The following TMTC1 variants were observed in gnomAD, a reference collection of about 807,000 sequenced individuals.
The protein encoded by TMTC1 is transmembrane O-mannosyltransferase targeting cadherins 1, also known as protein O-mannosyl-transferase TMTC1.
Under a neutral mutation model 104.8 loss-of-function variants are expected in TMTC1, and 73 were observed. The observed-to-expected ratio is 0.70, with a 90% confidence interval of 0.58 to 0.85. The LOEUF is 0.85. Ranked by LOEUF, TMTC1 falls within the 40% of genes least tolerant of loss-of-function variation. TMTC1 has a pLI of 0.00. For synonymous variants in TMTC1, 434 were observed against 428.7 expected (o/e 1.01, Z -0.15); for missense variants, 1,035 against 1,096.1 (o/e 0.94, Z 0.79).
intron 5 of TMTC1, among the ~76,000 whole-genome samples, chr12:29,674,635 G>A (rs571637754): frequency 6.6e-6 from 1 of 152,286 alleles, no homozygotes; most frequent in African/African-American, 2.4e-5. Context: ...CATGCACAAG[G>A]CAGCCAGCTC....
chr12:29,666,711 A>G (rs941425566), intron 5 of TMTC1, among the ~76,000 whole-genome samples: 2 of 152,174 alleles, frequency 1.3e-5, no homozygotes, highest in Non-Finnish European at 2.9e-5. Context: ...TGAAGATATG[A>G]AATTAGTCTT....
chr12:29,547,920 G>C (rs567121914), intron 10 of TMTC1, among the ~76,000 whole-genome samples: 2 of 152,170 alleles, frequency 1.3e-5, no homozygotes, highest in Non-Finnish European at 2.9e-5. Flanking sequence ...AAATCAGAAG[G>C]AGATCAACAG....
At chr12:29,707,590 A>C (rs972113669) in intron 5 of TMTC1, among the ~76,000 whole-genome samples, 1 of 152,184 alleles carries the variant, frequency 6.6e-6, no homozygotes, top group Non-Finnish European at 1.5e-5. Context: ...CCTGATTTTA[A>C]GAGCAAGGCA....
At chr12:29,762,414 T>C (rs1459981782) in intron 2 of TMTC1, among the ~76,000 whole-genome samples, 1 of 152,226 alleles carries the variant, frequency 6.6e-6, no homozygotes, top group African/African-American at 2.4e-5. Flanking sequence ...GGTGGAACTC[T>C]TAACACTGAG....
At chr12:29,541,135 A>G (rs1944785982) in intron 10 of TMTC1, among the ~76,000 whole-genome samples, 1 of 152,190 alleles carries the variant, frequency 6.6e-6, no homozygotes, top group Admixed American at 6.5e-5. Context: ...CCCATGTTAC[A>G]TTTTGTTTCT....
chr12:29,603,064 G>C (rs1213824752), intron 7 of TMTC1, among the ~76,000 whole-genome samples: 1 of 152,190 alleles, frequency 6.6e-6, no homozygotes, highest in African/African-American at 2.4e-5. Context: ...AAACCACGTA[G>C]AATATAAAGA....
intron 9 of TMTC1, among the ~76,000 whole-genome samples, chr12:29,560,242 T>C (rs1157378702): frequency 6.6e-6 from 1 of 152,206 alleles, no homozygotes; most frequent in Non-Finnish European, 1.5e-5. Flanking sequence ...ACAAAAGATC[T>C]GCTGAACTGG....
intron 7 of TMTC1, among the ~76,000 whole-genome samples, chr12:29,583,953 A>G (rs936619246): frequency 2.0e-5 from 3 of 152,168 alleles, no homozygotes; most frequent in Non-Finnish European, 4.4e-5. Flanking sequence ...TATTGGCACT[A>G]TGCGCCTAAA....
chr12:29,770,549 C>T (rs1017974353), intron 1 of TMTC1, among the ~76,000 whole-genome samples: 1 of 152,122 alleles, frequency 6.6e-6, no homozygotes, highest in African/African-American at 2.4e-5. Flanking sequence ...AGCTTAAAAA[C>T]GTACACACAA....
intron 6 of TMTC1, among the ~76,000 whole-genome samples, chr12:29,615,481 C>A (rs7965227): frequency 0.38 from 57,199 of 151,916 alleles, 11,175 homozygotes; most frequent in East Asian, 0.46. Context: ...AAAAAAATAC[C>A]TGTAGAGAGA....
At chr12:29,645,107 A>G (rs1236660877) in intron 5 of TMTC1, among the ~76,000 whole-genome samples, 2 of 152,222 alleles carry the variant, frequency 1.3e-5, no homozygotes, top group African/African-American at 4.8e-5. Context: ...CTTAAAATAA[A>G]TGGATTCTAT....
In TMTC1 at chr12:29,514,525, C is replaced by T. The variant is rs1943928341; in HGVS notation, c.2387G>A (p.Gly796Glu). ...KVISELFFTK[G>E]NQLREQNLLD... is the part of the protein sequence containing the mutation. ...AAGGTTCTGCTCTCTTAATTGGTTT[C>T]CTTTTGTGAAAAAAAGTTCAGAAAT... is the stretch of plus-strand genomic sequence containing the variant. The change falls in exon 16 of 18, where the codon GGA becomes GAA. Residue 796 changes from glycine (G) to glutamate (E), a missense_variant. Coordinates refer to ENST00000539277, the MANE Select transcript of TMTC1 (RefSeq NM_001193451.2). 6.2e-7 allele frequency: 1 copy of T among 1,613,920 alleles called. No homozygotes were observed. The highest frequency in any genetic ancestry group is 8.5e-7 in the Non-Finnish European group (1 of 1,179,954).
intron 11 of TMTC1, among the ~76,000 whole-genome samples, chr12:29,526,310 T>G (rs1944342844): frequency 6.6e-6 from 1 of 152,204 alleles, no homozygotes; most frequent in Admixed American, 6.5e-5. Context: ...TCCATGAGTA[T>G]ATGCTTAATA....
At chr12:29,694,420 C>T (rs1941354286) in intron 5 of TMTC1, among the ~76,000 whole-genome samples, 1 of 152,194 alleles carries the variant, frequency 6.6e-6, no homozygotes. Flanking sequence ...CTACACACAT[C>T]CTCCCATACA....
chr12:29,760,609 T>C (rs534584533), intron 2 of TMTC1, among the ~76,000 whole-genome samples: 1 of 152,240 alleles, frequency 6.6e-6, no homozygotes, highest in African/African-American at 2.4e-5. Context: ...GAAGGAACCA[T>C]CATAACCATC....
chr12:29,569,796 C>T (rs968026222), intron 9 of TMTC1, among the ~76,000 whole-genome samples: 1 of 152,194 alleles, frequency 6.6e-6, no homozygotes, highest in African/African-American at 2.4e-5. Flanking sequence ...AAAGCATAAA[C>T]TCTTTCACTA....
rs751664951 is a variant in TMTC1, at chr12:29,783,666, G to A, written c.86C>T (p.Ala29Val). Residue 29 changes from alanine (A) to valine (V), a missense_variant, in exon 1 of 18, where the codon GCC (alanine) becomes GTC (valine). Coordinates refer to ENST00000539277, the MANE Select transcript of TMTC1 (RefSeq NM_001193451.2). This position sits in a 1 kb window ranked among gnomAD's most constrained non-coding sequence, Gnocchi z 4.7. Reference protein sequence around the residue: ...RRGCGLAPAGAAALLAGASCL... With the variant: ...RRGCGLAPAGVAALLAGASCL... Reference sequence around the variant, plus strand: ...GCTTGCCCCGGCCAGCAGCGCCGCGGCCCCGGCCGGCGCTAGCCCGCAGCC... The same window carrying A: ...GCTTGCCCCGGCCAGCAGCGCCGCGACCCCGGCCGGCGCTAGCCCGCAGCC... The A allele has an allele frequency of 1.2e-4, 157 of 1,340,850 alleles. 2 individuals are homozygous for A. The highest frequency in any genetic ancestry group is 8.4e-4 in the Middle Eastern group (3 of 3,568). The allele number at this position is 1,340,850 out of a possible 1,614,324, so 83.1% of individuals were successfully genotyped here.
chr12:29,684,313 C>T (rs1941022701), intron 5 of TMTC1, among the ~76,000 whole-genome samples: 1 of 152,164 alleles, frequency 6.6e-6, no homozygotes, highest in African/African-American at 2.4e-5. Flanking sequence ...ATTTGAACCT[C>T]AAATGTCTTT....
chr12:29,510,285 A>G (rs561445872), intron 17 of TMTC1, among the ~76,000 whole-genome samples: 1 of 152,354 alleles, frequency 6.6e-6, no homozygotes, highest in Non-Finnish European at 1.5e-5. Flanking sequence ...AACACAAAAA[A>G]GATGTAGTAA....
Sources: gnomAD v4.1 joint callset for allele counts (sites outside exome capture counted in the v4.1 genomes callset) on GRCh38, gnomAD v4.1.1 for gene constraint, Gnocchi (gnomAD v3.1) non-coding constraint, MANE v1.5 for transcripts, NCBI Gene and HGNC (gene_info 2026-07-23, HGNC 2026-07-21) for gene names.